CSGALNACT1: variants seen among roughly 807,000 people sequenced by gnomAD.
The protein encoded by CSGALNACT1 is chondroitin sulfate N-acetylgalactosaminyltransferase 1.
In CSGALNACT1, 52 loss-of-function variants were observed where a neutral mutation model predicts 51.0. The observed-to-expected ratio is 1.02, with a 90% CI of 0.82 to 1.29. The LOEUF is 1.29. Ranked by LOEUF, CSGALNACT1 falls within the 50% of genes most tolerant of loss-of-function variation. The pLI, the probability that CSGALNACT1 is intolerant of heterozygous loss-of-function variation, is 0.00. For missense variants in CSGALNACT1, 935 were observed against 679.2 expected (o/e 1.38, Z -4.19); for synonymous variants, 341 against 254.4 (o/e 1.34, Z -3.24).
At chr8:19,592,277 G>A (rs931876770) in intron 2 of CSGALNACT1, among the ~76,000 whole-genome samples, 1 of 152,140 alleles carries the variant, frequency 6.6e-6, no homozygotes, top group Non-Finnish European at 1.5e-5. Flanking sequence ...TAAGTTTACT[G>A]ATGCTGATAC....
At chr8:19,583,942 C>T (rs1279926154) in intron 3 of CSGALNACT1, among the ~76,000 whole-genome samples, 1 of 152,208 alleles carries the variant, frequency 6.6e-6, no homozygotes, top group African/African-American at 2.4e-5. Context: ...TCACTCTATG[C>T]ACCCTGCAGC....
At chr8:19,719,847 C>T (rs948822844) in intron 1 of CSGALNACT1, among the ~76,000 whole-genome samples, 2 of 151,978 alleles carry the variant, frequency 1.3e-5, no homozygotes, top group African/African-American at 4.8e-5. Context: ...TGAAAAAACA[C>T]CTCCCTCGCC....
At chr8:19,709,957 G>T (rs2062403420) in intron 1 of CSGALNACT1, among the ~76,000 whole-genome samples, 1 of 152,170 alleles carries the variant, frequency 6.6e-6, no homozygotes, top group Non-Finnish European at 1.5e-5. Context: ...TCAAAGCTGG[G>T]TTGGGTCCAC....
chr8:19,420,312 C>T, intron 7 of CSGALNACT1, 28 bp downstream of exon 6: 1 of 1,612,980 alleles, frequency 6.2e-7, no homozygotes, highest in Non-Finnish European at 8.5e-7. Context: ...TGGGGGCCAC[C>T]TGAGCGTGAC....
At chr8:19,701,481 A>T (rs2061876328) in intron 1 of CSGALNACT1, among the ~76,000 whole-genome samples, 1 of 152,134 alleles carries the variant, frequency 6.6e-6, no homozygotes, top group South Asian at 2.1e-4. Flanking sequence ...ACACCAAAGC[A>T]GTGCCAGCAA....
At chr8:19,587,108 A>T (rs115222029) in intron 3 of CSGALNACT1, among the ~76,000 whole-genome samples, 4,943 of 152,260 alleles carry the variant, frequency 0.032, 285 homozygotes, top group African/African-American at 0.11. Context: ...CTGCACAGTC[A>T]GGGCTGCAGG....
chr8:19,462,753 C>G (rs1334481248), intron 4 of CSGALNACT1, among the ~76,000 whole-genome samples: 3 of 152,062 alleles, frequency 2.0e-5, no homozygotes, highest in Non-Finnish European at 4.4e-5. Flanking sequence ...CTATACTCTG[C>G]TAATTATTTT....
In CSGALNACT1 at chr8:19,455,172, C is replaced by G. The variant is rs115066004; in HGVS notation, c.851+3254G>C. On this transcript the variant is annotated intron_variant, in intron 5 of 9. Transcript: ENST00000454498. Reference sequence around the variant, plus strand: ...CTCGTGCTGTTCTACACTGCTTAAACATCTTATAATAGCCAAGTATTACCT... The same window carrying G: ...CTCGTGCTGTTCTACACTGCTTAAAGATCTTATAATAGCCAAGTATTACCT... 1.2e-3 allele frequency among the ~76,000 whole-genome samples: 180 copies of G among 152,278 alleles called. 1 individual carries two copies. In the South Asian group the frequency reaches 0.018, roughly 16 times the overall value.
At chr8:19,558,512 A>G (rs1046002848) in intron 3 of CSGALNACT1, among the ~76,000 whole-genome samples, 12 of 152,234 alleles carry the variant, frequency 7.9e-5, no homozygotes, top group African/African-American at 2.4e-4. Context: ...ATGTTAATAC[A>G]GAAAAAGTAT....
chr8:19,448,617 G>A (rs1399179363), intron 5 of CSGALNACT1, among the ~76,000 whole-genome samples: 2 of 152,156 alleles, frequency 1.3e-5, no homozygotes, highest in Non-Finnish European at 2.9e-5. Flanking sequence ...GGGAAAGGGG[G>A]ACTGAGGAGG....
chr8:19,713,792 A>G (rs1490492524), intron 1 of CSGALNACT1, among the ~76,000 whole-genome samples: 5 of 152,218 alleles, frequency 3.3e-5, no homozygotes, highest in African/African-American at 1.2e-4. Context: ...GCAAGACCAC[A>G]CATTTCAGTT....
intron 3 of CSGALNACT1, among the ~76,000 whole-genome samples, chr8:19,562,212 C>T (rs1009124993): frequency 2.6e-5 from 4 of 152,208 alleles, no homozygotes; most frequent in Admixed American, 6.5e-5. Context: ...AAGATATTAT[C>T]TTGAATCTTC....
At chr8:19,555,722 G>A (rs2089553129) in intron 3 of CSGALNACT1, among the ~76,000 whole-genome samples, 1 of 152,062 alleles carries the variant, frequency 6.6e-6, no homozygotes, top group Non-Finnish European at 1.5e-5. Flanking sequence ...GGATTATTGA[G>A]ATCTATTTCT....
intron 3 of CSGALNACT1, among the ~76,000 whole-genome samples, chr8:19,515,961 T>G (rs2079442386): frequency 6.6e-6 from 1 of 152,090 alleles, no homozygotes; most frequent in African/African-American, 2.4e-5. Context: ...TAAAGACGCT[T>G]CTTCCAGCTG....
At chr8:19,631,644 G>C (rs2055275563) in intron 1 of CSGALNACT1, among the ~76,000 whole-genome samples, 1 of 152,168 alleles carries the variant, frequency 6.6e-6, no homozygotes, top group South Asian at 2.1e-4. Flanking sequence ...AAAAAGCCAA[G>C]TCAAAATGTG....
At chr8:19,743,611 T>C (rs1424009498) in intron 1 of CSGALNACT1, among the ~76,000 whole-genome samples, 1 of 152,222 alleles carries the variant, frequency 6.6e-6, no homozygotes, top group Non-Finnish European at 1.5e-5. Context: ...CTTTCAGTGA[T>C]GGTGGTTTGA....
intron 4 of CSGALNACT1, among the ~76,000 whole-genome samples, chr8:19,486,138 C>A (rs201746953): frequency 1.3e-4 from 19 of 150,450 alleles, no homozygotes; most frequent in Admixed American, 1.1e-3. Flanking sequence ...AAAAAAAAAA[C>A]AAAAAAAACA....
chr8:19,470,108 G>T (rs1009852679), intron 4 of CSGALNACT1, among the ~76,000 whole-genome samples: 2 of 152,122 alleles, frequency 1.3e-5, no homozygotes, highest in Non-Finnish European at 2.9e-5. Context: ...ATGCAGGGAC[G>T]GAGTGAGAAG....
chr8:19,630,234 GTGTGTGTGTA>G (rs1265260551), intron 1 of CSGALNACT1, among the ~76,000 whole-genome samples: 2,184 of 140,622 alleles, frequency 0.016, 23 homozygotes, highest in Non-Finnish European at 0.016. Context: ...GTGTGTGTGT[GTGTGTGTGTA>G]TGTGTGTGTG....
Sources: gnomAD v4.1 joint callset for allele counts (sites outside exome capture counted in the v4.1 genomes callset) on GRCh38, gnomAD v4.1.1 for gene constraint, MANE v1.5 for transcripts, NCBI Gene and HGNC (gene_info 2026-07-23, HGNC 2026-07-21) for gene names.